Variants in MYO16 observed in about 807,000 individuals in gnomAD.
The protein encoded by MYO16 is unconventional myosin-XVI.
In MYO16, 94 loss-of-function variants were observed where a neutral mutation model predicts 205.3. The ratio of observed to expected loss-of-function variants is 0.46; its 90% CI spans 0.39 to 0.54. MYO16 has a LOEUF of 0.54. MYO16 is among the 20% of genes least tolerant of loss of function. The pLI, the probability that MYO16 is intolerant of heterozygous loss-of-function variation, is 0.00. For synonymous variants in MYO16, 988 were observed against 954.0 expected, an observed-to-expected ratio of 1.04 and a Z score of -0.66; for missense variants, 2,315 against 2,387.5, an observed-to-expected ratio of 0.97 and a Z score of 0.63.
chr13:108,810,281 T>TGA (rs1887249289), intron 7 of MYO16, among the ~76,000 whole-genome samples: 1 of 152,198 alleles, frequency 6.6e-6, no homozygotes, highest in Admixed American at 6.6e-5. Flanking sequence ...GAATGCACGC[T>TGA]TCAGAATGAC....
Position 109,124,278 on chromosome 13 carries a change from T to C in MYO16, c.3536-834T>C, listed in dbSNP as rs775233569. On this transcript the variant is annotated intron_variant, in intron 29 of 34. Coordinates refer to ENST00000457511, the MANE Select transcript of MYO16 (RefSeq NM_001198950.3). ...AGATTATGTCTGTGTAACTGCAGGC[T>C]AAGGAAATGTAGTTTGACCTCCTAA... Among the ~76,000 whole-genome samples the C allele has an allele frequency of 1.0e-3, 153 of 152,226 alleles. 1 individual carries two copies. Among genetic ancestry groups the C allele is most frequent in the Non-Finnish European group, 9.4e-4 (64 of 68,048 alleles).
At position 109,141,843 on chromosome 13, in the gene MYO16, G is replaced by T. The variant is rs1594121297; in HGVS notation, c.5164+467G>T. On this transcript the variant is annotated intron_variant, in intron 32 of 34. Coordinates refer to ENST00000457511, the MANE Select transcript of MYO16 (RefSeq NM_001198950.3). The surrounding 1 kb of genome is among the most constrained non-coding windows in gnomAD (Gnocchi z 4.1). Reference sequence around the variant, plus strand: ...AGCTTTGCCTGGCGGTGTCTGGGATGTTGACCTAGCCAGTTACTACCCTGC... The same window carrying T: ...AGCTTTGCCTGGCGGTGTCTGGGATTTTGACCTAGCCAGTTACTACCCTGC... Among the ~76,000 whole-genome samples, 1 of 152,214 alleles carries T rather than the reference G, an allele frequency of 6.6e-6. No homozygotes were observed. The highest frequency in any genetic ancestry group is 1.5e-5 in the Non-Finnish European group (1 of 68,048).
At chr13:108,820,229 G>A (rs1875889956) in intron 7 of MYO16, 108 bp from the exon 8 acceptor site, 2 of 745,652 alleles carry the variant, frequency 2.7e-6, no homozygotes, top group East Asian at 2.8e-5. Context: ...TGGGAATGCT[G>A]ATACTGTCTC....
the MYO16 span, among the ~76,000 whole-genome samples, chr13:108,519,623 A>C: frequency 8.3e-6 from 1 of 120,462 alleles, no homozygotes; most frequent in African/African-American, 3.1e-5. Flanking sequence ...ACAATATGCA[A>C]AATACACACA....
intron 10 of MYO16, among the ~76,000 whole-genome samples, chr13:108,845,226 T>C (rs934010806): frequency 1.3e-5 from 2 of 152,216 alleles, no homozygotes; most frequent in Non-Finnish European, 2.9e-5. Flanking sequence ...TTAACTTTAT[T>C]AATTTTTGTT....
chr13:108,926,059 C>G (rs971335803), intron 16 of MYO16, among the ~76,000 whole-genome samples: 2 of 152,216 alleles, frequency 1.3e-5, no homozygotes, highest in African/African-American at 2.4e-5. Context: ...GAGCCGCGTG[C>G]TCCATGGCTC....
At chr13:108,992,585 A>G in intron 21 of MYO16, 137 bp downstream of exon 21, 2 of 560,792 alleles carry the variant, frequency 3.6e-6, no homozygotes, top group East Asian at 3.1e-5. Flanking sequence ...TAAAATTAAT[A>G]TCTCTGGTTT....
intron 1 of MYO16, among the ~76,000 whole-genome samples, chr13:108,637,130 G>A (rs1880289779): frequency 6.6e-6 from 1 of 152,110 alleles, no homozygotes; most frequent in Admixed American, 6.5e-5. Context: ...TATAGTATAT[G>A]TCTCTTGTTC....
intron 1 of MYO16, among the ~76,000 whole-genome samples, chr13:108,610,358 C>T (rs1043920908): frequency 1.8e-4 from 27 of 152,080 alleles, no homozygotes; most frequent in Admixed American, 1.8e-3. Flanking sequence ...CTCTTGGGCT[C>T]TTTTTTAATG....
chr13:108,793,298 A>AAAC (rs1566332409), intron 5 of MYO16, among the ~76,000 whole-genome samples: 4 of 147,688 alleles, frequency 2.7e-5, no homozygotes, highest in Admixed American at 6.7e-5. Flanking sequence ...AAAAAAAAAA[A>AAAC]AAAAAAACAT....
At chr13:109,045,629 G>A (rs1887016197) in intron 23 of MYO16, among the ~76,000 whole-genome samples, 1 of 152,136 alleles carries the variant, frequency 6.6e-6, no homozygotes, top group African/African-American at 2.4e-5. Context: ...GTTTTATTTA[G>A]GACCTTGTAA....
the MYO16 span, among the ~76,000 whole-genome samples, chr13:108,535,401 A>G: frequency 6.6e-6 from 1 of 152,328 alleles, no homozygotes; most frequent in East Asian, 1.9e-4. Context: ...TCCCATGATC[A>G]TTCCGGACCA....
intron 12 of MYO16, among the ~76,000 whole-genome samples, chr13:108,869,749 A>ATG: frequency 6.8e-6 from 1 of 147,106 alleles, no homozygotes; most frequent in East Asian, 2.0e-4. Flanking sequence ...AAAAAAAAAA[A>ATG]AAAAAAAAAA....
the MYO16 span, among the ~76,000 whole-genome samples, chr13:108,582,175 T>A: frequency 2.0e-5 from 3 of 152,226 alleles, no homozygotes; most frequent in Non-Finnish European, 4.4e-5. Context: ...TCATGTTTGT[T>A]TGATTTTTGG....
chr13:108,518,083 C>A, the MYO16 span, among the ~76,000 whole-genome samples: 1 of 152,126 alleles, frequency 6.6e-6, no homozygotes, highest in Non-Finnish European at 1.5e-5. Flanking sequence ...CAGACTGTAA[C>A]AAGTCTATAC....
intron 1 of MYO16, among the ~76,000 whole-genome samples, chr13:108,634,346 A>G (rs920738695): frequency 6.6e-6 from 1 of 152,144 alleles, no homozygotes; most frequent in South Asian, 2.1e-4. Flanking sequence ...GTCCAAGGCC[A>G]GTGCGCTTGC....
At chr13:108,686,132 C>T (rs1396825422) in intron 2 of MYO16, among the ~76,000 whole-genome samples, 2 of 152,148 alleles carry the variant, frequency 1.3e-5, no homozygotes, top group African/African-American at 4.8e-5. Context: ...GAGGGGTAGT[C>T]CTCATCCAGG....
upstream of MYO16, among the ~76,000 whole-genome samples, chr13:108,625,564 G>T (rs769922615): frequency 2.0e-5 from 3 of 149,402 alleles, no homozygotes; most frequent in Non-Finnish European, 3.0e-5. Flanking sequence ...GTCAATATTT[G>T]TGATAGAGGA....
chr13:108,691,354 G>C (rs1373829435), intron 2 of MYO16, among the ~76,000 whole-genome samples: 1 of 151,648 alleles, frequency 6.6e-6, no homozygotes, highest in Non-Finnish European at 1.5e-5. Flanking sequence ...AGAAAACCAG[G>C]GTCATCTGAG....
Sources: allele counts gnomAD v4.1 joint callset (sites outside exome capture counted in the v4.1 genomes callset), GRCh38; gene constraint gnomAD v4.1.1; non-coding constraint Gnocchi (gnomAD v3.1); transcripts MANE v1.5; gene names NCBI Gene and HGNC (gene_info 2026-07-23, HGNC 2026-07-21).